The following DLGAP2 variants were observed in gnomAD, a reference collection of about 807,000 sequenced individuals.
The protein encoded by DLGAP2 is disks large-associated protein 2.
In DLGAP2, 26 loss-of-function variants were observed where a neutral mutation model predicts 100.3. That is an observed-to-expected ratio of 0.26 (90% confidence interval 0.19 to 0.36). DLGAP2 has a LOEUF of 0.36. Among genes scored for constraint, DLGAP2 ranks in the 10% least tolerant of loss-of-function variants. The probability of loss-of-function intolerance (pLI) is 1.00; values close to 1 mark genes in which losing one functional copy is unlikely to be tolerated. For missense variants in DLGAP2, 1,858 were observed against 1,453.2 expected, an observed-to-expected ratio of 1.28 and a Z score of -4.53; for synonymous variants, 886 against 630.1, an observed-to-expected ratio of 1.41 and a Z score of -6.08.
rs6982895 is a variant in DLGAP2, at chr8:1,551,419, G to A, written c.1230+1736G>A. ...GTCAGAGCCTCCAGGTTTTGCCCCA[G>A]GGTCACCTGCCTCCAATGCCTGCCA... On this transcript the variant is annotated intron_variant, in intron 5 of 14. Coordinates refer to ENST00000637795, the MANE Select transcript of DLGAP2 (RefSeq NM_001346810.2). Among the ~76,000 whole-genome samples the A allele has an allele frequency of 6.1e-3, 931 of 152,232 alleles. 11 individuals are homozygous for A. Among genetic ancestry groups the A allele is most frequent in the African/African-American group, 0.021 (874 of 41,550 alleles).
chr8:1,027,319 G>A (rs1184826048), intron 2 of DLGAP2, among the ~76,000 whole-genome samples: 1 of 152,022 alleles, frequency 6.6e-6, no homozygotes, highest in Non-Finnish European at 1.5e-5. Flanking sequence ...TCTCCAGATG[G>A]GGTGCCAGGC....
chr8:1,263,848 C>T (rs922695479), intron 3 of DLGAP2, among the ~76,000 whole-genome samples: 1 of 152,064 alleles, frequency 6.6e-6, no homozygotes, highest in East Asian at 1.9e-4. Context: ...TAATTGAATG[C>T]TTTGTATAAA....
At chr8:1,373,350 G>C (rs561612813) in intron 3 of DLGAP2, among the ~76,000 whole-genome samples, 41 of 152,054 alleles carry the variant, frequency 2.7e-4, no homozygotes, top group African/African-American at 9.6e-4. Flanking sequence ...GCCGCGCCTG[G>C]ACCGTGGCCG....
At position 879,458 on chromosome 8, in the gene DLGAP2, G is replaced by A. The variant is rs150342271; in HGVS notation, c.19-28454G>A. Among the ~76,000 whole-genome samples the A allele has an allele frequency of 3.1e-3, 479 of 152,282 alleles. 3 individuals are homozygous for A. The highest frequency in any genetic ancestry group is 0.01 in the African/African-American group (433 of 41,554). On this transcript the variant is annotated intron_variant, in intron 1 of 14. Coordinates refer to ENST00000637795, the MANE Select transcript of DLGAP2 (RefSeq NM_001346810.2). ...CTTTCCCCAGGTGGGGGTGTTGAGC[G>A]CTAGGCTCAGTTTGTCCTGTGAAGG... is the stretch of plus-strand genomic sequence containing the variant.
At chr8:903,976 C>A (rs936037792) in intron 1 of DLGAP2, among the ~76,000 whole-genome samples, 1 of 152,218 alleles carries the variant, frequency 6.6e-6, no homozygotes, top group African/African-American at 2.4e-5. Flanking sequence ...GAGGAAGAGG[C>A]GTGGCCGGGC....
chr8:1,298,514 T>A (rs572468020), intron 3 of DLGAP2, among the ~76,000 whole-genome samples: 28 of 152,072 alleles, frequency 1.8e-4, no homozygotes, highest in African/African-American at 6.5e-4. Flanking sequence ...CCCCGGAGAG[T>A]GCTGAGAGGC....
At chr8:809,350 A>T (rs557804451) in intron 1 of DLGAP2, among the ~76,000 whole-genome samples, 26 of 152,260 alleles carry the variant, frequency 1.7e-4, no homozygotes, top group Non-Finnish European at 3.7e-4. Flanking sequence ...AACTTTGCCC[A>T]GTAATCTTTT....
chr8:1,509,854 G>A (rs560956102), intron 4 of DLGAP2, among the ~76,000 whole-genome samples: 2 of 152,266 alleles, frequency 1.3e-5, no homozygotes, highest in Non-Finnish European at 2.9e-5. Flanking sequence ...TTGCTCATAC[G>A]CTGTGACCAG....
At chr8:1,025,708 G>T (rs964319154) in intron 2 of DLGAP2, among the ~76,000 whole-genome samples, 3 of 152,078 alleles carry the variant, frequency 2.0e-5, no homozygotes, top group Non-Finnish European at 2.9e-5. Context: ...TAAATTTTAG[G>T]TTATTTGAAA....
At chr8:1,671,996 A>T (rs1798701470) in intron 10 of DLGAP2, among the ~76,000 whole-genome samples, 1 of 152,158 alleles carries the variant, frequency 6.6e-6, no homozygotes, top group African/African-American at 2.4e-5. Flanking sequence ...CCATTTGTGT[A>T]TTCACTTTCG....
chr8:1,620,444 A>C (rs1337846885), intron 6 of DLGAP2: 1 of 152,210 alleles, frequency 6.6e-6, no homozygotes, highest in Non-Finnish European at 1.5e-5. Flanking sequence ...TTTACATCTG[A>C]AGCACTCAGA....
intron 7 of DLGAP2, among the ~76,000 whole-genome samples, chr8:1,628,113 C>G (rs1285560264): frequency 4.5e-5 from 5 of 109,974 alleles, no homozygotes; most frequent in Non-Finnish European, 5.3e-5. Context: ...CTTGAGCCGA[C>G]CTCACATTCT....
At chr8:1,325,429 C>T (rs371289084) in intron 3 of DLGAP2, among the ~76,000 whole-genome samples, 1 of 152,236 alleles carries the variant, frequency 6.6e-6, no homozygotes, top group Non-Finnish European at 1.5e-5. Context: ...TGCAGCCCGG[C>T]TGCTGTAGCG....
chr8:931,681 G>C (rs374825332), intron 2 of DLGAP2, among the ~76,000 whole-genome samples: 1 of 152,164 alleles, frequency 6.6e-6, no homozygotes, highest in Non-Finnish European at 1.5e-5. Context: ...CCTTCCCGTC[G>C]TCCTGGTGGC....
At chr8:850,144 T>C (rs1461816649) in intron 1 of DLGAP2, among the ~76,000 whole-genome samples, 1 of 152,102 alleles carries the variant, frequency 6.6e-6, no homozygotes, top group Non-Finnish European at 1.5e-5. Flanking sequence ...CTGAGTCCCC[T>C]GTCAGATGTG....
At chr8:861,440 G>A (rs542360263) in intron 1 of DLGAP2, among the ~76,000 whole-genome samples, 49 of 152,224 alleles carry the variant, frequency 3.2e-4, no homozygotes, top group Non-Finnish European at 6.8e-4. Flanking sequence ...CCCCTAGCAC[G>A]GAATCTGCTC....
At chr8:1,426,039 A>G (rs568158875) in intron 3 of DLGAP2, among the ~76,000 whole-genome samples, 50 of 152,336 alleles carry the variant, frequency 3.3e-4, no homozygotes, top group African/African-American at 1.2e-3. Context: ...CAGCATGAGA[A>G]TGAGACCAAA....
At chr8:1,541,315 G>C (rs1457460279) in intron 4 of DLGAP2, among the ~76,000 whole-genome samples, 1 of 152,120 alleles carries the variant, frequency 6.6e-6, no homozygotes, top group African/African-American at 2.4e-5. Flanking sequence ...TAAGTATACA[G>C]CATGACTCAG....
At chr8:1,167,334 C>A (rs1797036157) in intron 2 of DLGAP2, among the ~76,000 whole-genome samples, 1 of 152,140 alleles carries the variant, frequency 6.6e-6, no homozygotes, top group African/African-American at 2.4e-5. Flanking sequence ...GAGTCCAGTA[C>A]ACACTGCAGG....
Sources: gnomAD v4.1 joint callset for allele counts (sites outside exome capture counted in the v4.1 genomes callset) on GRCh38, gnomAD v4.1.1 for gene constraint, MANE v1.5 for transcripts, NCBI Gene and HGNC (gene_info 2026-07-23, HGNC 2026-07-21) for gene names.